SLC39A11: variants seen among roughly 807,000 people sequenced by gnomAD.
The protein encoded by SLC39A11 is zinc transporter ZIP11.
A neutral mutation model predicts 36.1 loss-of-function variants in SLC39A11; 33 were observed. The observed-to-expected ratio is 0.91, with a 90% confidence interval of 0.69 to 1.22. The LOEUF is 1.22. SLC39A11 is among the 50% of genes most tolerant of loss of function. The probability of loss-of-function intolerance (pLI) is 0.00; values close to 1 mark genes in which losing one functional copy is unlikely to be tolerated. For synonymous variants in SLC39A11, 166 were observed against 170.3 expected (o/e 0.97, Z 0.20); for missense variants, 432 against 430.3 (o/e 1.00, Z -0.03).
At chr17:73,057,559 T>C (rs943192316) in intron 3 of SLC39A11, among the ~76,000 whole-genome samples, 2 of 152,240 alleles carry the variant, frequency 1.3e-5, no homozygotes, top group African/African-American at 4.8e-5. Context: ...TCTGCTTCTT[T>C]AGCCACTTTT....
chr17:73,030,025 G>C (rs1172208254), intron 4 of SLC39A11, among the ~76,000 whole-genome samples: 1 of 152,236 alleles, frequency 6.6e-6, no homozygotes, highest in Admixed American at 6.5e-5. Flanking sequence ...GGATGAAACT[G>C]TTCCACCTCA....
chr17:73,053,914 G>A (rs1225310971), intron 3 of SLC39A11, among the ~76,000 whole-genome samples: 1 of 152,176 alleles, frequency 6.6e-6, no homozygotes, highest in Non-Finnish European at 1.5e-5. Context: ...CCTTCATTGG[G>A]AGAATCAGAA....
intron 4 of SLC39A11, among the ~76,000 whole-genome samples, chr17:72,973,805 C>T (rs984341523): frequency 1.3e-5 from 2 of 152,216 alleles, no homozygotes; most frequent in Admixed American, 1.3e-4. Context: ...AAGCGATCCA[C>T]GTACCTCGGA....
intron 5 of SLC39A11, among the ~76,000 whole-genome samples, chr17:72,938,158 A>G (rs755387338): frequency 2.0e-5 from 3 of 152,214 alleles, no homozygotes; most frequent in Non-Finnish European, 4.4e-5. Flanking sequence ...CAGGAGGGAA[A>G]ATACACCAGA....
intron 6 of SLC39A11, among the ~76,000 whole-genome samples, chr17:72,795,180 C>A (rs1330351041): frequency 2.0e-5 from 3 of 152,080 alleles, no homozygotes; most frequent in Non-Finnish European, 4.4e-5. Flanking sequence ...GTCTCTGAGA[C>A]TCAGAATCCA....
rs191913964 is a variant in SLC39A11, at chr17:72,893,524, C to T, written c.431-43720G>A. 1.6e-4 allele frequency among the ~76,000 whole-genome samples: 25 copies of T among 152,240 alleles called. No individual in the cohort carries two copies. The East Asian group carries it at 4.8e-3, about 29-fold the overall frequency. On this transcript the variant is annotated intron_variant, in intron 5 of 9. Coordinates refer to ENST00000255559, the MANE Select transcript of SLC39A11 (RefSeq NM_139177.4). The stretch of plus-strand genomic sequence containing the variant: ...CTCAATATAGCAGTGAGTTCCTTAG[C>T]TATCTATATTGTACAATTTGTTCTT...
chr17:73,027,596 T>C (rs1899363183), intron 4 of SLC39A11, among the ~76,000 whole-genome samples: 1 of 152,342 alleles, frequency 6.6e-6, no homozygotes, highest in East Asian at 1.9e-4. Flanking sequence ...GCCCTTTCCA[T>C]GAGCAATATT....
At chr17:73,009,254 C>A (rs146521466) in intron 4 of SLC39A11, among the ~76,000 whole-genome samples, 1,681 of 150,896 alleles carry the variant, frequency 0.011, 28 homozygotes, top group African/African-American at 0.032. Flanking sequence ...CTGTAGTCCC[C>A]GCTACGGGGG....
chr17:72,910,579 G>A (rs552859429), intron 5 of SLC39A11, among the ~76,000 whole-genome samples: 11 of 132,470 alleles, frequency 8.3e-5, no homozygotes, highest in African/African-American at 2.7e-4. Flanking sequence ...AGCAGAGATC[G>A]TGTCACTGCA....
chr17:72,708,522 C>G (rs1403232039), intron 7 of SLC39A11, among the ~76,000 whole-genome samples: 2 of 152,208 alleles, frequency 1.3e-5, no homozygotes. Context: ...GGTTCTGTCT[C>G]TCCAGAGAAC....
chr17:72,940,650 T>A (rs1200420237), intron 5 of SLC39A11, among the ~76,000 whole-genome samples: 4 of 152,218 alleles, frequency 2.6e-5, no homozygotes, highest in Non-Finnish European at 5.9e-5. Flanking sequence ...CTGCATAGTC[T>A]GCATTCCCAG....
chr17:72,812,798 G>C (rs750198877), intron 6 of SLC39A11, among the ~76,000 whole-genome samples: 1 of 152,084 alleles, frequency 6.6e-6, no homozygotes, highest in East Asian at 1.9e-4. Flanking sequence ...TAAATATCTC[G>C]ATGTCATTTA....
At chr17:72,712,375 T>C (rs2073141035) in intron 7 of SLC39A11, among the ~76,000 whole-genome samples, 1 of 152,244 alleles carries the variant, frequency 6.6e-6, no homozygotes, top group African/African-American at 2.4e-5. Context: ...AGAGGCCAGT[T>C]CTCACTCCAT....
intron 4 of SLC39A11, among the ~76,000 whole-genome samples, chr17:73,007,069 T>C (rs1001247246): frequency 6.6e-6 from 1 of 152,096 alleles, no homozygotes; most frequent in Admixed American, 6.5e-5. Context: ...ATCAGCGACA[T>C]GGGCAGCTAA....
chr17:72,737,121 CGA>C (rs1259780161), intron 6 of SLC39A11, among the ~76,000 whole-genome samples: 2 of 152,008 alleles, frequency 1.3e-5, no homozygotes, highest in East Asian at 3.9e-4. Flanking sequence ...ACTAAAAATA[CGA>C]GAGTTAGCAG....
intron 7 of SLC39A11, among the ~76,000 whole-genome samples, chr17:72,654,395 A>G (rs1237166190): frequency 6.6e-6 from 1 of 152,208 alleles, no homozygotes; most frequent in Non-Finnish European, 1.5e-5. Context: ...CCTGGGCAGA[A>G]ATGCGGCCTG....
chr17:72,749,119 G>A (rs1001537023), intron 6 of SLC39A11, among the ~76,000 whole-genome samples: 5 of 152,184 alleles, frequency 3.3e-5, no homozygotes, highest in Admixed American at 1.3e-4. Flanking sequence ...GGAACCTGCC[G>A]TCAGAAGAGC....
chr17:73,025,028 A>G (rs765268092), intron 4 of SLC39A11, among the ~76,000 whole-genome samples: 66 of 152,060 alleles, frequency 4.3e-4, no homozygotes, highest in Non-Finnish European at 8.4e-4. Flanking sequence ...AACTGGGTAC[A>G]TATTCAAAGT....
At chr17:72,758,427 G>T (rs2075445490) in intron 6 of SLC39A11, among the ~76,000 whole-genome samples, 1 of 152,106 alleles carries the variant, frequency 6.6e-6, no homozygotes, top group Admixed American at 6.5e-5. Context: ...TTCTCATTTT[G>T]TTCGGTATTG....
Sources: allele counts gnomAD v4.1 joint callset (sites outside exome capture counted in the v4.1 genomes callset), GRCh38; gene constraint gnomAD v4.1.1; transcripts MANE v1.5; gene names NCBI Gene and HGNC (gene_info 2026-07-23, HGNC 2026-07-21).